NPAT: variants seen among roughly 807,000 people sequenced by gnomAD.
NPAT encodes the protein nuclear protein, coactivator of histone transcription.
A neutral mutation model predicts 130.7 loss-of-function variants in NPAT; 52 were observed. The observed-to-expected ratio is 0.40, with a 90% CI of 0.32 to 0.50. The LOEUF is 0.50. Among genes scored for constraint, NPAT ranks in the 20% least tolerant of loss-of-function variants. The pLI, the probability that NPAT is intolerant of heterozygous loss-of-function variation, is 0.68. For synonymous variants in NPAT, 580 were observed against 584.8 expected, an observed-to-expected ratio of 0.99 and a Z score of 0.12; for missense variants, 1,687 against 1,662.6, an observed-to-expected ratio of 1.01 and a Z score of -0.26.
chr11:108,192,278 C>G (rs749231389), intron 3 of NPAT, 88 bp from the exon 4 acceptor site: 27 of 853,062 alleles, frequency 3.2e-5, no homozygotes, highest in Non-Finnish European at 5.1e-5. Flanking sequence ...AAAACCTTGT[C>G]TCTCAATTAT....
intron 2 of NPAT, among the ~76,000 whole-genome samples, chr11:108,194,994 T>C (rs1047562397): frequency 2.0e-4 from 31 of 152,208 alleles, no homozygotes; most frequent in African/African-American, 7.2e-4. Context: ...CAGCTAATTT[T>C]TGTATTTTTA....
At chr11:108,172,043 T>C in intron 13 of NPAT, 156 bp downstream of exon 13, 1 of 666,728 alleles carries the variant, frequency 1.5e-6, no homozygotes, top group South Asian at 1.8e-5. Context: ...AAGGTTTGAA[T>C]TAGCTAGCAT....
chr11:108,161,652 T>C lies in NPAT; in HGVS notation c.3434A>G (p.Gln1145Arg), dbSNP rs777924478. 18 of 1,614,078 alleles carry C rather than the reference T, an allele frequency of 1.1e-5. No individual in the cohort carries two copies. Among genetic ancestry groups the C allele is most frequent in the Non-Finnish European group, 1.5e-5 (18 of 1,180,040 alleles). The change falls in exon 17 of 18, where the codon CAA becomes CGA. Residue 1145 changes from glutamine (Q) to arginine (R), a missense_variant. Gln to Arg is a conservative substitution (Grantham distance 43). Transcript: ENST00000278612. ...TGTTGGTGAAACTTTCTTTTCTGAT[T>C]GAGTTTCTCTTATGGTGGTATGCCG... Reference protein sequence around the residue: ...ISRHTTIRETQSEKKVSPTEI... With the variant: ...ISRHTTIRETRSEKKVSPTEI...
intron 3 of NPAT, among the ~76,000 whole-genome samples, 168 bp downstream of exon 3, chr11:108,193,789 C>T (rs1216580921): frequency 2.6e-5 from 4 of 151,844 alleles, no homozygotes; most frequent in Non-Finnish European, 2.9e-5. Flanking sequence ...AAACCAAAAC[C>T]CACAAACAAA....
At chr11:108,160,448 A>G (rs907409068) in intron 17 of NPAT, among the ~76,000 whole-genome samples, 1 of 152,214 alleles carries the variant, frequency 6.6e-6, no homozygotes, top group Non-Finnish European at 1.5e-5. Flanking sequence ...CTAAGAACAA[A>G]GTCATTTATT....
At chr11:108,183,806 C>G (rs1195162327) in intron 10 of NPAT, among the ~76,000 whole-genome samples, 1 of 151,286 alleles carries the variant, frequency 6.6e-6, no homozygotes, top group East Asian at 1.9e-4. Flanking sequence ...AAAAACAAAA[C>G]CAAACAAAAA....
At chr11:108,197,261 T>C (rs769532966) in intron 2 of NPAT, 41 bp downstream of exon 2, 28 of 1,271,040 alleles carry the variant, frequency 2.2e-5, no homozygotes, top group Admixed American at 3.4e-5. Context: ...TTTAGTCTCT[T>C]GTGTTGATGA....
intron 1 of NPAT, among the ~76,000 whole-genome samples, chr11:108,205,950 C>A (rs113924810): frequency 1.3e-5 from 2 of 152,160 alleles, no homozygotes; most frequent in Middle Eastern, 3.2e-3. Context: ...GAAGCTGAGA[C>A]ATGAGAATCT....
rs183999517 is a variant in NPAT, at chr11:108,188,323, T to C, written c.557-144A>G. ...AGTGCCTACCATGTGTAAAGCATGG[T>C]AAAAGACACTAAGATTAATAAAATA... On this transcript the variant is annotated intron_variant, in intron 6 of 17. Coordinates refer to ENST00000278612, the MANE Select transcript of NPAT (RefSeq NM_002519.3). 35 of 681,716 alleles carry C rather than the reference T, an allele frequency of 5.1e-5. No homozygotes were observed. In the East Asian group the frequency reaches 8.9e-4, roughly 17 times the overall value. The allele number at this position is 681,716 out of a possible 1,614,324, so 42.2% of individuals were successfully genotyped here. A position where few individuals can be genotyped will look rare whatever the true frequency, so the allele number is the denominator to read the frequency against.
Position 108,161,926 on chromosome 11 carries a change from G to A in NPAT, c.3160C>T (p.Pro1054Ser). The A allele has an allele frequency of 6.2e-7, 1 of 1,609,546 alleles. No homozygotes were observed. Among genetic ancestry groups the A allele is most frequent in the Non-Finnish European group, 8.5e-7 (1 of 1,177,744 alleles). ...CGTCTGTGGCATGGTTTAGCAGCTG[G>A]AACTATACTCTCTTCTGGGAAGGGA... Reference protein sequence around the residue: ...TVPFPEESIVPAAKPCHRRVL... With the variant: ...TVPFPEESIVSAAKPCHRRVL... Residue 1054 changes from proline to serine, a missense_variant, in exon 17 of 18, where the codon CCA becomes TCA. Transcript: ENST00000278612.
chr11:108,170,767 TC>T (rs2077942959), intron 13 of NPAT, among the ~76,000 whole-genome samples: 1 of 152,230 alleles, frequency 6.6e-6, no homozygotes, highest in African/African-American at 2.4e-5. Flanking sequence ...TATAAAAACT[TC>T]CTTGCTTTAA....
chr11:108,204,351 C>A (rs1442879386), intron 1 of NPAT, among the ~76,000 whole-genome samples: 1 of 145,602 alleles, frequency 6.9e-6, no homozygotes, highest in Non-Finnish European at 1.5e-5. Context: ...ACATTCTGAG[C>A]CCATAAAAAC....
intron 3 of NPAT, 152 bp downstream of exon 3, chr11:108,193,805 T>G (rs1217510763): frequency 5.4e-6 from 3 of 555,634 alleles, no homozygotes; most frequent in Non-Finnish European, 9.8e-6. Context: ...ACAAATTAGA[T>G]GTGTCCCAGA....
intron 17 of NPAT, among the ~76,000 whole-genome samples, chr11:108,160,341 T>C (rs1484808749): frequency 2.0e-5 from 3 of 151,704 alleles, no homozygotes; most frequent in South Asian, 2.1e-4. Context: ...TGGAAAAACA[T>C]ACGTAAATTT....
In NPAT at chr11:108,172,562, C is replaced by T. The variant is rs766273565; in HGVS notation, c.2422G>A (p.Ala808Thr). The T allele has an allele frequency of 6.2e-7, 1 of 1,614,180 alleles. No homozygotes were observed. The change falls in exon 13 of 18, where the codon GCC (alanine) becomes ACC (threonine). Residue 808 changes from alanine (A) to threonine (T), a missense_variant. By Grantham distance (58) the Ala-to-Thr change is moderately conservative. Coordinates refer to ENST00000278612, the MANE Select transcript of NPAT (RefSeq NM_002519.3). ...GTTAAAAGACTCTGTTCCATTGAGG[C>T]TGAATCCCCTACTTCGGCATATACA... ...AVVYAEVGDSASMEQSLLTFK... is the reference protein window; with the variant it reads ...AVVYAEVGDSTSMEQSLLTFK...
chr11:108,179,390 C>T (rs1174822187), intron 10 of NPAT, among the ~76,000 whole-genome samples: 1 of 152,082 alleles, frequency 6.6e-6, no homozygotes, highest in Non-Finnish European at 1.5e-5. Context: ...GCCTCAGCCT[C>T]CCAAGTAGCT....
intron 15 of NPAT, among the ~76,000 whole-genome samples, chr11:108,167,178 T>TA (rs2077909298): frequency 6.6e-6 from 1 of 152,208 alleles, no homozygotes; most frequent in Non-Finnish European, 1.5e-5. Flanking sequence ...TCATTTTCCA[T>TA]AACAGTTTAA....
intron 1 of NPAT, among the ~76,000 whole-genome samples, chr11:108,207,390 C>T (rs1234973672): frequency 1.3e-5 from 2 of 152,254 alleles, no homozygotes; most frequent in African/African-American, 4.8e-5. Flanking sequence ...CCCCTTTCCA[C>T]CTAGGAGACC....
chr11:108,207,483 G>A (rs185447375), intron 1 of NPAT, among the ~76,000 whole-genome samples: 84 of 152,318 alleles, frequency 5.5e-4, no homozygotes, highest in African/African-American at 1.8e-3. Context: ...GGCCCATGCC[G>A]AGTTGCCCTC....
Sources: gnomAD v4.1 joint callset for allele counts (sites outside exome capture counted in the v4.1 genomes callset) on GRCh38, gnomAD v4.1.1 for gene constraint, MANE v1.5 for transcripts, NCBI Gene and HGNC (gene_info 2026-07-23, HGNC 2026-07-21) for gene names.